The following PCDH15 variants were observed in gnomAD, a reference collection of about 807,000 sequenced individuals.
PCDH15 encodes protocadherin-15.
PCDH15 carries 129 observed loss-of-function variants against 178.5 expected under a neutral mutation model. That is an observed-to-expected ratio of 0.72 (90% CI 0.63 to 0.84). The LOEUF (loss-of-function observed/expected upper bound fraction) is 0.84. PCDH15 is among the 40% of genes least tolerant of loss of function. PCDH15 has a pLI of 0.00. For missense variants in PCDH15, 2,230 were observed against 2,099.9 expected (o/e 1.06, Z -1.21); for synonymous variants, 800 against 732.0 (o/e 1.09, Z -1.50).
intron 1 of PCDH15, among the ~76,000 whole-genome samples, chr10:54,769,924 T>C (rs1480580066): frequency 6.6e-6 from 1 of 152,124 alleles, no homozygotes; most frequent in Non-Finnish European, 1.5e-5. Flanking sequence ...TAACTGAAAG[T>C]AAAAACTAAT....
At chr10:54,102,617 G>A (rs1350375446) in intron 15 of PCDH15, among the ~76,000 whole-genome samples, 3 of 152,168 alleles carry the variant, frequency 2.0e-5, no homozygotes, top group South Asian at 2.1e-4. Context: ...CCAGGGATGT[G>A]ATACTGTTTT....
chr10:54,376,174 C>T (rs937839514), intron 4 of PCDH15, among the ~76,000 whole-genome samples: 55 of 151,860 alleles, frequency 3.6e-4, no homozygotes, highest in Non-Finnish European at 6.0e-4. Context: ...GGATTACAGG[C>T]ATGAGCCATC....
intron 1 of PCDH15, among the ~76,000 whole-genome samples, chr10:54,675,728 T>C (rs2094775081): frequency 6.6e-6 from 1 of 152,156 alleles, no homozygotes. Context: ...ACATTGCTTG[T>C]CAGTGGGTAC....
At chr10:54,719,951 T>C (rs1227752630) in intron 1 of PCDH15, among the ~76,000 whole-genome samples, 2 of 152,034 alleles carry the variant, frequency 1.3e-5, no homozygotes, top group African/African-American at 2.4e-5. Flanking sequence ...GTTGGTTCCA[T>C]GTCTTTGATA....
intron 21 of PCDH15, among the ~76,000 whole-genome samples, chr10:53,966,076 A>C (rs930878546): frequency 7.0e-6 from 1 of 142,842 alleles, no homozygotes; most frequent in African/African-American, 2.6e-5. Flanking sequence ...AAAATCTTAG[A>C]ACTTCCTAGA....
intron 2 of PCDH15, among the ~76,000 whole-genome samples, chr10:55,548,986 A>T (rs1841948126): frequency 6.6e-6 from 1 of 152,212 alleles, no homozygotes; most frequent in Non-Finnish European, 1.5e-5. Flanking sequence ...ACATTTTATT[A>T]GAAAAAGATT....
intron 1 of PCDH15, among the ~76,000 whole-genome samples, chr10:54,693,295 T>C (rs367803821): frequency 1.3e-5 from 2 of 152,082 alleles, no homozygotes; most frequent in Non-Finnish European, 2.9e-5. Context: ...CTGTAACTTA[T>C]ATGAGTAAAT....
chr10:54,154,350 G>T (rs1300733061), intron 13 of PCDH15, among the ~76,000 whole-genome samples: 1 of 151,916 alleles, frequency 6.6e-6, no homozygotes, highest in Non-Finnish European at 1.5e-5. Flanking sequence ...GTGGAATAAA[G>T]AAAACACATG....
At chr10:54,226,497 G>A (rs764841719) in intron 9 of PCDH15, among the ~76,000 whole-genome samples, 8 of 152,130 alleles carry the variant, frequency 5.3e-5, no homozygotes, top group Admixed American at 1.3e-4. Flanking sequence ...TCAGGAGTTC[G>A]AGACCAGCAT....
At chr10:55,161,249 G>A (rs1839058123) in intron 2 of PCDH15, among the ~76,000 whole-genome samples, 1 of 152,148 alleles carries the variant, frequency 6.6e-6, no homozygotes, top group African/African-American at 2.4e-5. Context: ...AATTTCTCAA[G>A]AATGAGAATA....
chr10:53,846,287 G>A (rs1016425399), intron 28 of PCDH15, among the ~76,000 whole-genome samples: 2 of 151,740 alleles, frequency 1.3e-5, no homozygotes, highest in Non-Finnish European at 3.0e-5. Context: ...ACATTTTAAG[G>A]CTATATTGTT....
chr10:53,913,375 C>A (rs1037388287), intron 25 of PCDH15, among the ~76,000 whole-genome samples: 2 of 152,080 alleles, frequency 1.3e-5, no homozygotes, highest in Non-Finnish European at 2.9e-5. Flanking sequence ...AGGACTTAGG[C>A]ATGACTAAAA....
chr10:54,992,534 C>G (rs1166685049), intron 2 of PCDH15, among the ~76,000 whole-genome samples: 1 of 151,990 alleles, frequency 6.6e-6, no homozygotes, highest in African/African-American at 2.4e-5. Flanking sequence ...GGGCAGATCA[C>G]AAGGTCAGGA....
chr10:54,732,172 G>C (rs972196749), intron 1 of PCDH15, among the ~76,000 whole-genome samples: 12 of 151,276 alleles, frequency 7.9e-5, no homozygotes, highest in South Asian at 2.1e-4. Context: ...AGAATACAGA[G>C]AGCATGGAAT....
At chr10:55,139,856 T>A (rs1186982538) in intron 2 of PCDH15, among the ~76,000 whole-genome samples, 1 of 151,982 alleles carries the variant, frequency 6.6e-6, no homozygotes, top group African/African-American at 2.4e-5. Context: ...AACATACCTA[T>A]CAACTGAAAG....
intron 1 of PCDH15, among the ~76,000 whole-genome samples, chr10:55,192,663 A>G (rs2132147753): frequency 6.6e-6 from 1 of 151,770 alleles, no homozygotes; most frequent in Admixed American, 6.6e-5. Flanking sequence ...TTATTTCACT[A>G]AACATTTTTC....
Position 53,922,819 on chromosome 10 carries a change from G to T in PCDH15, c.3373+15996C>A, listed in dbSNP as rs1017517321. Among the ~76,000 whole-genome samples, 6 of 152,150 alleles carry T rather than the reference G, an allele frequency of 3.9e-5. No individual in the cohort carries two copies. In the East Asian group the frequency reaches 1.2e-3, roughly 29 times the overall value. On this transcript the variant is annotated intron_variant, in intron 25 of 37. Transcript: ENST00000644397. ...ACACAAATATAGGTCAGGTGTGGTG[G>T]CTCGTGCCTGTAATCCCAGCACTTT...
intron 2 of PCDH15, among the ~76,000 whole-genome samples, chr10:55,396,562 C>A (rs144253907): frequency 2.7e-4 from 41 of 152,182 alleles, no homozygotes; most frequent in African/African-American, 8.9e-4. Flanking sequence ...GTAGGATTGC[C>A]AATAGAAAAG....
intron 2 of PCDH15, among the ~76,000 whole-genome samples, chr10:55,598,375 A>G (rs542230272): frequency 2.0e-5 from 3 of 151,538 alleles, no homozygotes; most frequent in South Asian, 4.2e-4. Flanking sequence ...AGAGTACTAC[A>G]TGCAGCAGCT....
Sources: allele counts gnomAD v4.1 joint callset (sites outside exome capture counted in the v4.1 genomes callset), GRCh38; gene constraint gnomAD v4.1.1; transcripts MANE v1.5; gene names NCBI Gene and HGNC (gene_info 2026-07-23, HGNC 2026-07-21).